Variants in KCNH1 observed in about 807,000 individuals in gnomAD.
KCNH1 encodes potassium voltage-gated channel subfamily H member 1.
In KCNH1, 27 loss-of-function variants were observed where a neutral mutation model predicts 69.2. The observed-to-expected ratio is 0.39, with a 90% CI of 0.29 to 0.54. KCNH1 has a LOEUF of 0.54. Ranked by LOEUF, KCNH1 falls within the 20% of genes least tolerant of loss-of-function variation. KCNH1 has a pLI of 0.68. For synonymous variants in KCNH1, 456 were observed against 487.7 expected (o/e 0.93, Z 0.86); for missense variants, 798 against 1,261.6 (o/e 0.63, Z 5.57).
At chr1:210,940,274 G>A (rs1172204081) in intron 6 of KCNH1, among the ~76,000 whole-genome samples, 1 of 152,176 alleles carries the variant, frequency 6.6e-6, no homozygotes, top group African/African-American at 2.4e-5. Context: ...GAAGACACAT[G>A]CCCTTATGTT....
At chr1:210,869,493 G>A (rs886941787) in intron 7 of KCNH1, among the ~76,000 whole-genome samples, 3 of 53,834 alleles carry the variant, frequency 5.6e-5, no homozygotes, top group East Asian at 3.2e-4. Flanking sequence ...TCGTGTGTGT[G>A]TGTGTGTGTG....
chr1:211,104,182 G>A (rs2102483849), intron 2 of KCNH1, among the ~76,000 whole-genome samples: 1 of 152,290 alleles, frequency 6.6e-6, no homozygotes, highest in Middle Eastern at 3.4e-3. Context: ...GCAAGATCAT[G>A]GAGGAGACCA....
intron 5 of KCNH1, among the ~76,000 whole-genome samples, chr1:211,024,142 G>C (rs886703175): frequency 6.6e-6 from 1 of 152,178 alleles, no homozygotes; most frequent in African/African-American, 2.4e-5. Context: ...TGGACATGCA[G>C]CATTGAAGGA....
At chr1:210,778,450 G>T (rs1157638039) in intron 9 of KCNH1, among the ~76,000 whole-genome samples, 1 of 149,248 alleles carries the variant, frequency 6.7e-6, no homozygotes, top group Non-Finnish European at 1.5e-5. Flanking sequence ...TTGAACCCAG[G>T]AATCCAGGAG....
At chr1:210,751,387 A>T (rs1213707652) in intron 10 of KCNH1, among the ~76,000 whole-genome samples, 1 of 152,202 alleles carries the variant, frequency 6.6e-6, no homozygotes, top group Non-Finnish European at 1.5e-5. Flanking sequence ...CTGTATGACA[A>T]ATGACTAGAA....
At chr1:211,012,481 T>C (rs918299735) in intron 6 of KCNH1, among the ~76,000 whole-genome samples, 4 of 152,104 alleles carry the variant, frequency 2.6e-5, no homozygotes, top group African/African-American at 9.7e-5. Flanking sequence ...AAAGTTATCA[T>C]GAAAAAAATG....
chr1:210,982,337 G>A (rs575281731), intron 6 of KCNH1, among the ~76,000 whole-genome samples: 3 of 152,058 alleles, frequency 2.0e-5, no homozygotes, highest in East Asian at 1.9e-4. Context: ...TGTTACATAC[G>A]TATACATGTG....
chr1:210,795,272 G>A (rs1278544269), intron 9 of KCNH1, among the ~76,000 whole-genome samples: 2 of 152,070 alleles, frequency 1.3e-5, no homozygotes, highest in Non-Finnish European at 2.9e-5. Flanking sequence ...TAAGTCTCCT[G>A]AGTAGCTGGG....
At chr1:210,884,035 T>C (rs763443109) in intron 7 of KCNH1, among the ~76,000 whole-genome samples, 4 of 152,174 alleles carry the variant, frequency 2.6e-5, no homozygotes, top group Non-Finnish European at 4.4e-5. Context: ...CATGTCCCTG[T>C]ACTTGGATGC....
intron 6 of KCNH1, among the ~76,000 whole-genome samples, chr1:210,983,281 C>A (rs1007003937): frequency 2.6e-5 from 4 of 152,190 alleles, no homozygotes; most frequent in South Asian, 2.1e-4. Context: ...TTAATTAAAT[C>A]CCATTTGTCA....
chr1:210,797,206 G>C (rs1043614970), intron 9 of KCNH1, among the ~76,000 whole-genome samples: 8 of 152,092 alleles, frequency 5.3e-5, no homozygotes, highest in African/African-American at 1.9e-4. Context: ...CTTGAATACT[G>C]GGTTAGATGT....
At chr1:210,766,956 G>A (rs1167719842) in intron 10 of KCNH1, among the ~76,000 whole-genome samples, 1 of 152,186 alleles carries the variant, frequency 6.6e-6, no homozygotes, top group East Asian at 1.9e-4. Flanking sequence ...GAGGCAGCCT[G>A]GGTTCAAATC....
At chr1:210,877,240 G>A (rs1197234778) in intron 7 of KCNH1, among the ~76,000 whole-genome samples, 2 of 152,082 alleles carry the variant, frequency 1.3e-5, no homozygotes, top group African/African-American at 4.8e-5. Flanking sequence ...AGAAGAGAGA[G>A]AGAGGAATAG....
intron 7 of KCNH1, among the ~76,000 whole-genome samples, chr1:210,844,453 T>TGAAC (rs1265714574): frequency 6.6e-6 from 1 of 152,160 alleles, no homozygotes; most frequent in Non-Finnish European, 1.5e-5. Context: ...ACATGGAAAC[T>TGAAC]GAACAACCTG....
At chr1:210,852,656 C>A (rs1685731775) in intron 7 of KCNH1, among the ~76,000 whole-genome samples, 1 of 152,064 alleles carries the variant, frequency 6.6e-6, no homozygotes, top group Non-Finnish European at 1.5e-5. Context: ...GTCAAGGATG[C>A]ACTATTTAAA....
intron 1 of KCNH1, among the ~76,000 whole-genome samples, chr1:211,128,615 C>T (rs370456854): frequency 1.1e-4 from 16 of 152,016 alleles, no homozygotes; most frequent in Non-Finnish European, 2.1e-4. Flanking sequence ...ACACAGGTGG[C>T]GATGGCATAC....
At chr1:210,970,439 G>T (rs779879098) in intron 6 of KCNH1, among the ~76,000 whole-genome samples, 5 of 151,952 alleles carry the variant, frequency 3.3e-5, no homozygotes, top group African/African-American at 1.2e-4. Context: ...TGAGGATGAT[G>T]GCTTCCAGCT....
At chr1:210,741,954 T>C (rs576802012) in intron 10 of KCNH1, among the ~76,000 whole-genome samples, 2 of 152,266 alleles carry the variant, frequency 1.3e-5, no homozygotes, top group East Asian at 3.9e-4. Context: ...AGGCAAAATC[T>C]TGCTTAATTT....
chr1:211,132,212 A>C lies in KCNH1; in HGVS notation c.79+1655T>G, dbSNP rs182733615. On this transcript the variant is annotated intron_variant, in intron 1 of 10. Transcript: ENST00000271751. ...TATGAGAAAGTTGGTGTCACTGACA[A>C]TGGGATAACCAAATTTGCAAGATTG... 2.3e-4 allele frequency among the ~76,000 whole-genome samples: 35 copies of C among 152,380 alleles called. 1 individual carries two copies. In the East Asian group the frequency reaches 6.0e-3, roughly 26 times the overall value.
Sources: gnomAD v4.1 joint callset for allele counts (sites outside exome capture counted in the v4.1 genomes callset) on GRCh38, gnomAD v4.1.1 for gene constraint, MANE v1.5 for transcripts, NCBI Gene and HGNC (gene_info 2026-07-23, HGNC 2026-07-21) for gene names.